COL5A2: variants seen among roughly 807,000 people sequenced by gnomAD.
The protein encoded by COL5A2 is collagen type V alpha 2 chain, also known as collagen alpha-2(V) chain.
In COL5A2, 23 loss-of-function variants were observed where a neutral mutation model predicts 208.2. The ratio of observed to expected loss-of-function variants is 0.11; its 90% CI spans 0.08 to 0.16. The LOEUF is 0.16. Among genes scored for constraint, COL5A2 ranks in the 10% least tolerant of loss-of-function variants. The pLI is 1.00. For missense variants in COL5A2, 1,590 were observed against 1,956.4 expected, an observed-to-expected ratio of 0.81 and a Z score of 3.53; for synonymous variants, 625 against 628.5, an observed-to-expected ratio of 0.99 and a Z score of 0.08.
intron 1 of COL5A2, among the ~76,000 whole-genome samples, chr2:189,216,396 C>T (rs1002952555): frequency 3.9e-5 from 6 of 152,038 alleles, no homozygotes; most frequent in Non-Finnish European, 8.8e-5. Flanking sequence ...CAACAACTCA[C>T]TAACTCATTC....
chr2:189,261,580 G>T, the COL5A2 span, among the ~76,000 whole-genome samples: 1 of 152,124 alleles, frequency 6.6e-6, no homozygotes, highest in Non-Finnish European at 1.5e-5. Flanking sequence ...CTGTTAGCTC[G>T]TTCTTGGTCT....
At chr2:189,054,028 G>A (rs1685848085) in intron 36 of COL5A2, 80 bp from the exon 37 acceptor site, 1 of 1,450,558 alleles carries the variant, frequency 6.9e-7, no homozygotes, top group South Asian at 1.1e-5. Context: ...TGTGTAGGAG[G>A]AGATAGTGGA....
the COL5A2 span, among the ~76,000 whole-genome samples, chr2:189,272,695 G>C: frequency 6.6e-6 from 1 of 151,966 alleles, no homozygotes; most frequent in African/African-American, 2.4e-5. Flanking sequence ...CAACTATTTA[G>C]AAACAATTTC....
At chr2:189,054,275 C>T in intron 35 of COL5A2, 63 bp from the exon 36 acceptor site, 1 of 1,050,468 alleles carries the variant, frequency 9.5e-7, no homozygotes, top group African/African-American at 1.6e-5. Flanking sequence ...TCATGCTTAG[C>T]AAATCAACAA....
intron 1 of COL5A2, among the ~76,000 whole-genome samples, chr2:189,195,427 T>G (rs548527929): frequency 1.1e-3 from 160 of 152,234 alleles, no homozygotes; most frequent in Non-Finnish European, 1.7e-3. Context: ...CCCATCAAAC[T>G]ACGATTGACA....
At chr2:189,120,628 T>C (rs1687481220) in intron 1 of COL5A2, among the ~76,000 whole-genome samples, 1 of 152,170 alleles carries the variant, frequency 6.6e-6, no homozygotes, top group Non-Finnish European at 1.5e-5. Flanking sequence ...TCCTTTGGTG[T>C]CCTATTTGAT....
intron 1 of COL5A2, among the ~76,000 whole-genome samples, chr2:189,142,103 T>C (rs920550170): frequency 6.6e-6 from 1 of 152,142 alleles, no homozygotes; most frequent in East Asian, 1.9e-4. Context: ...TTGGAATGGA[T>C]ACAGATTATT....
At chr2:189,256,310 T>C in the COL5A2 span, among the ~76,000 whole-genome samples, 1 of 152,222 alleles carries the variant, frequency 6.6e-6, no homozygotes, top group East Asian at 1.9e-4. Context: ...GAGTTTCAAG[T>C]ATCTTGGAGG....
At chr2:189,411,291 T>C in the COL5A2 span, among the ~76,000 whole-genome samples, 1 of 152,202 alleles carries the variant, frequency 6.6e-6, no homozygotes, top group Non-Finnish European at 1.5e-5. Flanking sequence ...TAAATTATGA[T>C]TTGATGTCTA....
At chr2:189,377,605 C>T in the COL5A2 span, among the ~76,000 whole-genome samples, 145,212 of 152,254 alleles carry the variant, frequency 0.95, 69,639 homozygotes, top group East Asian at 1. Flanking sequence ...ACCAAGACCT[C>T]TTCTTAAGTC....
chr2:189,072,163 G>A (rs1213739067), intron 17 of COL5A2, 70 bp from the exon 18 acceptor site: 12 of 1,098,990 alleles, frequency 1.1e-5, no homozygotes, highest in Non-Finnish European at 1.6e-5. Flanking sequence ...ATTTTTTAGA[G>A]TTTGGCGTCA....
chr2:189,074,068 A>C (rs954605556), intron 17 of COL5A2, among the ~76,000 whole-genome samples: 1 of 152,156 alleles, frequency 6.6e-6, no homozygotes, highest in African/African-American at 2.4e-5. Context: ...GAAATGTGTC[A>C]AATTTAAAAT....
At chr2:189,148,263 A>G (rs556214309) in intron 1 of COL5A2, among the ~76,000 whole-genome samples, 2 of 152,162 alleles carry the variant, frequency 1.3e-5, no homozygotes, top group Non-Finnish European at 2.9e-5. Flanking sequence ...ATTTGTCAAG[A>G]AAAAAATATG....
the COL5A2 span, among the ~76,000 whole-genome samples, chr2:189,326,472 T>C: frequency 5.9e-5 from 9 of 152,056 alleles, no homozygotes; most frequent in East Asian, 5.8e-4. Flanking sequence ...AGGCCAGGAA[T>C]TGGAGACCAG....
At chr2:189,259,119 G>A in the COL5A2 span, among the ~76,000 whole-genome samples, 1 of 152,106 alleles carries the variant, frequency 6.6e-6, no homozygotes, top group African/African-American at 2.4e-5. Context: ...GAAGTCAATC[G>A]TGACTTTCAG....
chr2:189,057,526 T>C (rs553710750), intron 33 of COL5A2, 99 bp from the exon 34 acceptor site: 73 of 855,482 alleles, frequency 8.5e-5, no homozygotes, highest in Non-Finnish European at 1.3e-4. Flanking sequence ...AGCAATTTCA[T>C]GTAGTTCAAC....
At chr2:189,293,313 C>T in the COL5A2 span, among the ~76,000 whole-genome samples, 21 of 152,060 alleles carry the variant, frequency 1.4e-4, no homozygotes, top group Non-Finnish European at 2.9e-4. Flanking sequence ...ACCAGAAATG[C>T]TTGAGAATTA....
chr2:189,379,266 G>T, the COL5A2 span, among the ~76,000 whole-genome samples: 1 of 152,086 alleles, frequency 6.6e-6, no homozygotes, highest in African/African-American at 2.4e-5. Context: ...AAAAAATGAG[G>T]AGTAAATGAT....
intron 1 of COL5A2, among the ~76,000 whole-genome samples, chr2:189,175,052 T>A (rs1218559021): frequency 1.3e-5 from 2 of 152,206 alleles, no homozygotes; most frequent in Non-Finnish European, 2.9e-5. Context: ...AACCGTAAGA[T>A]CTAGGCCACT....
Sources: gnomAD v4.1 joint callset for allele counts (sites outside exome capture counted in the v4.1 genomes callset) on GRCh38, gnomAD v4.1.1 for gene constraint, MANE v1.5 for transcripts, NCBI Gene and HGNC (gene_info 2026-07-23, HGNC 2026-07-21) for gene names.